STON2: variants seen among roughly 807,000 people sequenced by gnomAD.
The protein encoded by STON2 is stonin 2.
A neutral mutation model predicts 65.7 loss-of-function variants in STON2; 29 were observed. That is an observed-to-expected ratio of 0.44 (90% CI 0.33 to 0.60). STON2 has a LOEUF of 0.60. Among genes scored for constraint, STON2 ranks in the 20% least tolerant of loss-of-function variants. The pLI is 0.03. For synonymous variants in STON2, 404 were observed against 414.2 expected, an observed-to-expected ratio of 0.98 and a Z score of 0.30; for missense variants, 1,054 against 1,118.1, an observed-to-expected ratio of 0.94 and a Z score of 0.82.
In STON2 at chr14:81,400,006, T is replaced by C. The variant is rs566570917; in HGVS notation, c.-199+273A>G. Among the ~76,000 whole-genome samples the C allele has an allele frequency of 2.6e-4, 40 of 152,318 alleles. No individual in the cohort carries two copies. In the South Asian group the frequency reaches 8.3e-3, roughly 32 times the overall value. On this transcript the variant is annotated intron_variant, in intron 1 of 7. Coordinates refer to ENST00000614646, the MANE Select transcript of STON2 (RefSeq NM_001394390.1). Reference sequence around the variant, plus strand: ...TTCTGCAGCCAAAACACTCTAACCCTGGTGTCACAGCCGCAAAGAAGTACA... The same window carrying C: ...TTCTGCAGCCAAAACACTCTAACCCCGGTGTCACAGCCGCAAAGAAGTACA...
chr14:81,411,006 G>A (rs778610736), intron 2 of STON2, among the ~76,000 whole-genome samples: 2 of 152,160 alleles, frequency 1.3e-5, no homozygotes, highest in Admixed American at 6.5e-5. Context: ...GTATTCTCTC[G>A]CCAGGTTTAA....
At chr14:81,415,821 A>C (rs1224964126) in intron 2 of STON2, among the ~76,000 whole-genome samples, 1 of 152,202 alleles carries the variant, frequency 6.6e-6, no homozygotes, top group Non-Finnish European at 1.5e-5. Flanking sequence ...CAAAAAAATC[A>C]TAATATTTTT....
At chr14:81,414,484 G>A (rs1901323607) in intron 2 of STON2, among the ~76,000 whole-genome samples, 1 of 152,156 alleles carries the variant, frequency 6.6e-6, no homozygotes, top group South Asian at 2.1e-4. Flanking sequence ...CCCAGATAGG[G>A]AGTGCTGCTG....
intron 7 of STON2, chr14:81,269,805 G>A: frequency 1.0e-6 from 1 of 985,330 alleles, no homozygotes; most frequent in Non-Finnish European, 1.2e-6. Context: ...TAACTCCCCA[G>A]GAAAGTATCA....
In STON2 at chr14:81,261,960, A is replaced by G; in HGVS notation, c.*6454T>C. ...GGGAAATGATAAAAAAAAAAAAAAA[A>G]AAGAGAGAGATGTGAAAAGGAAAAA... On this transcript the variant is annotated 3_prime_UTR_variant, in exon 8 of 8. Transcript: ENST00000614646. 1.4e-6 allele frequency: 2 copies of G among 1,435,942 alleles called. No homozygotes were observed. Among genetic ancestry groups the G allele is most frequent in the East Asian group, 5.1e-5 (2 of 39,180 alleles). 89.0% of individuals were successfully genotyped at this position (1,435,942 alleles called of 1,614,324 possible).
intron 5 of STON2, among the ~76,000 whole-genome samples, chr14:81,310,714 C>T (rs1896391052): frequency 6.6e-6 from 1 of 152,160 alleles, no homozygotes; most frequent in Admixed American, 6.5e-5. Context: ...CTGCATTGCA[C>T]TGACATCTCT....
At chr14:81,274,662 G>A (rs998787581) in intron 6 of STON2, among the ~76,000 whole-genome samples, 1 of 152,048 alleles carries the variant, frequency 6.6e-6, no homozygotes, top group African/African-American at 2.4e-5. Flanking sequence ...AGGGCCAGGT[G>A]CGGTGCCTCA....
chr14:81,283,200 G>A (rs564596504), intron 5 of STON2, among the ~76,000 whole-genome samples: 1 of 152,160 alleles, frequency 6.6e-6, no homozygotes, highest in African/African-American at 2.4e-5. Flanking sequence ...ATGTTAGGCC[G>A]CAATCTATTT....
intron 2 of STON2, among the ~76,000 whole-genome samples, chr14:81,426,710 CCT>C (rs1320299012): frequency 1.9e-4 from 29 of 152,204 alleles, no homozygotes; most frequent in Admixed American, 9.8e-4. Flanking sequence ...CTTCTCGCTT[CCT>C]CTGACACAGT....
intron 5 of STON2, among the ~76,000 whole-genome samples, chr14:81,281,991 T>C (rs914092103): frequency 7.9e-5 from 12 of 152,224 alleles, no homozygotes; most frequent in Non-Finnish European, 1.6e-4. Flanking sequence ...TAGCAGGGCA[T>C]AGGTAAAATT....
At chr14:81,407,644 T>A (rs1396731168) in intron 2 of STON2, among the ~76,000 whole-genome samples, 1 of 152,196 alleles carries the variant, frequency 6.6e-6, no homozygotes, top group African/African-American at 2.4e-5. Flanking sequence ...TTCAACTAGA[T>A]CCTGGTGTCC....
chr14:81,315,664 T>A (rs1278747871), intron 5 of STON2, among the ~76,000 whole-genome samples: 1 of 152,268 alleles, frequency 6.6e-6, no homozygotes, highest in African/African-American at 2.4e-5. Flanking sequence ...CAGAAACACC[T>A]GGGAAGAATC....
At chr14:81,272,521 T>C (rs1345932161) in intron 6 of STON2, among the ~76,000 whole-genome samples, 1 of 152,038 alleles carries the variant, frequency 6.6e-6, no homozygotes, top group East Asian at 1.9e-4. Context: ...TCTCAGAGAG[T>C]AAGGACATAC....
intron 1 of STON2, among the ~76,000 whole-genome samples, chr14:81,432,791 T>C (rs921046134): frequency 2.6e-5 from 4 of 152,248 alleles, no homozygotes; most frequent in Admixed American, 2.6e-4. Context: ...CAGCTACTCT[T>C]ACAGAGCCTA....
chr14:81,287,238 CG>C (rs1332956796), intron 5 of STON2, among the ~76,000 whole-genome samples: 1 of 151,968 alleles, frequency 6.6e-6, no homozygotes, highest in African/African-American at 2.4e-5. Context: ...AAAGAGGAGC[CG>C]GAGGATAAGT....
intron 2 of STON2, among the ~76,000 whole-genome samples, chr14:81,409,251 G>A (rs542410413): frequency 4.4e-4 from 67 of 151,822 alleles, no homozygotes; most frequent in African/African-American, 1.6e-3. Flanking sequence ...CTAAAAATAC[G>A]AAAATTAGCC....
chr14:81,383,438 G>C (rs1368785287), intron 3 of STON2, among the ~76,000 whole-genome samples: 1 of 152,160 alleles, frequency 6.6e-6, no homozygotes, highest in Non-Finnish European at 1.5e-5. Context: ...AAATCGACTT[G>C]ACATCTCCAT....
chr14:81,270,977 C>A (rs1894562674), intron 6 of STON2, 105 bp from the exon 7 acceptor site: 2 of 1,438,378 alleles, frequency 1.4e-6, no homozygotes, highest in South Asian at 1.5e-5. Flanking sequence ...GGCTCGGCAC[C>A]CGGCAGCCTT....
In STON2 at chr14:81,268,371, C is replaced by A. The variant is rs939403708; in HGVS notation, c.*43G>T. On this transcript the variant is annotated 3_prime_UTR_variant, in exon 8 of 8. Coordinates refer to ENST00000614646, the MANE Select transcript of STON2 (RefSeq NM_001394390.1). ...CCCTATCATGACTCAGGAAGACACC[C>A]TATCATGACTCTGGGATCAGGATTC... The A allele has an allele frequency of 4.0e-5, 52 of 1,288,330 alleles. No individual in the cohort carries two copies. Among genetic ancestry groups the A allele is most frequent in the Non-Finnish European group, 5.2e-5 (51 of 988,326 alleles). 79.8% of individuals were successfully genotyped at this position (1,288,330 alleles called of 1,614,324 possible).
Sources: gnomAD v4.1 joint callset for allele counts (sites outside exome capture counted in the v4.1 genomes callset) on GRCh38, gnomAD v4.1.1 for gene constraint, MANE v1.5 for transcripts, NCBI Gene and HGNC (gene_info 2026-07-23, HGNC 2026-07-21) for gene names.